C12orf56: variants seen among roughly 807,000 people sequenced by gnomAD.
C12orf56 encodes uncharacterized protein C12orf56.
C12orf56 carries 71 observed loss-of-function variants against 69.9 expected under a neutral mutation model. That is an observed-to-expected ratio of 1.02 (90% CI 0.84 to 1.24). The LOEUF (loss-of-function observed/expected upper bound fraction) is 1.24, where lower values mean the gene tolerates loss of function less well. C12orf56 is among the 50% of genes most tolerant of loss of function. C12orf56 has a pLI of 0.00. For synonymous variants in C12orf56, 276 were observed against 274.1 expected (o/e 1.01, Z -0.07); for missense variants, 732 against 738.5 (o/e 0.99, Z 0.10).
intron 2 of C12orf56, among the ~76,000 whole-genome samples, chr12:64,331,950 A>G (rs904578926): frequency 6.8e-6 from 1 of 146,914 alleles, no homozygotes; most frequent in African/African-American, 2.5e-5. Flanking sequence ...TCCTTAAATA[A>G]AAAAAAAAAA....
intron 2 of C12orf56, among the ~76,000 whole-genome samples, chr12:64,337,095 C>T (rs1174423351): frequency 1.3e-5 from 2 of 152,148 alleles, no homozygotes; most frequent in African/African-American, 4.8e-5. Context: ...CTATGCTTTT[C>T]ACCAACTCCC....
At chr12:64,386,107 CCTT>C (rs1413277269) in intron 1 of C12orf56, among the ~76,000 whole-genome samples, 2 of 152,196 alleles carry the variant, frequency 1.3e-5, no homozygotes, top group Non-Finnish European at 2.9e-5. Context: ...TTGGCTAAGG[CCTT>C]CTTCCACCTT....
chr12:64,295,801 A>C (rs2038357467), intron 6 of C12orf56, among the ~76,000 whole-genome samples: 1 of 150,848 alleles, frequency 6.6e-6, no homozygotes. Context: ...AAAACTATAT[A>C]TAATATATAT....
intron 12 of C12orf56, chr12:64,267,786 C>T (rs974339482): frequency 6.6e-6 from 1 of 152,514 alleles, no homozygotes; most frequent in Non-Finnish European, 1.5e-5. Context: ...TTGGAATCAC[C>T]TGGAGAGCTT....
intron 2 of C12orf56, among the ~76,000 whole-genome samples, chr12:64,334,274 T>C (rs2038966166): frequency 6.6e-6 from 1 of 152,214 alleles, no homozygotes; most frequent in African/African-American, 2.4e-5. Flanking sequence ...CTCATCAGTT[T>C]CTTGTGCTTT....
At chr12:64,353,759 A>G (rs920627487) in intron 1 of C12orf56, among the ~76,000 whole-genome samples, 6 of 151,420 alleles carry the variant, frequency 4.0e-5, no homozygotes, top group Non-Finnish European at 5.9e-5. Flanking sequence ...TCCGCTCACT[A>G]CAACCTCCAC....
intron 2 of C12orf56, among the ~76,000 whole-genome samples, chr12:64,345,390 T>C (rs2039127076): frequency 6.6e-6 from 1 of 152,180 alleles, no homozygotes; most frequent in Non-Finnish European, 1.5e-5. Context: ...TTGCCATTAC[T>C]GGGGCTAGGG....
In C12orf56 at chr12:64,266,226, T is replaced by C. The variant is rs1446131496; in HGVS notation, c.*957A>G. ...AGGATGTTTCGTGGCTTCACACCACTCACCATTATTACACCAGTGAAACTC... is the reference window on the plus strand; with the variant it reads ...AGGATGTTTCGTGGCTTCACACCACCCACCATTATTACACCAGTGAAACTC... On this transcript the variant is annotated 3_prime_UTR_variant, in exon 13 of 13. Transcript: ENST00000543942. 6.6e-6 allele frequency: 1 copy of C among 152,276 alleles called. No homozygotes were observed. The highest frequency in any genetic ancestry group is 2.4e-5 in the African/African-American group (1 of 41,466). 9.4% of individuals were successfully genotyped at this position (152,276 alleles called of 1,614,324 possible).
At chr12:64,353,298 C>T (rs899932912) in intron 1 of C12orf56, among the ~76,000 whole-genome samples, 2 of 152,050 alleles carry the variant, frequency 1.3e-5, no homozygotes, top group African/African-American at 4.8e-5. Flanking sequence ...GCTGGGATTA[C>T]AGACATGAGC....
chr12:64,319,350 C>A (rs757029463), intron 3 of C12orf56, among the ~76,000 whole-genome samples: 6 of 151,994 alleles, frequency 3.9e-5, no homozygotes, highest in Admixed American at 2.6e-4. Flanking sequence ...GCTAATGGAT[C>A]CTATAAAGAA....
At chr12:64,368,669 T>C (rs1318723839) in intron 1 of C12orf56, among the ~76,000 whole-genome samples, 1 of 152,164 alleles carries the variant, frequency 6.6e-6, no homozygotes, top group African/African-American at 2.4e-5. Context: ...TAATTCATTC[T>C]TTTGTGCCCT....
At chr12:64,354,992 C>G (rs890186756) in intron 1 of C12orf56, among the ~76,000 whole-genome samples, 1 of 146,926 alleles carries the variant, frequency 6.8e-6, no homozygotes, top group East Asian at 2.0e-4. Flanking sequence ...GCAGGAGAAT[C>G]GCTTGAACCC....
chr12:64,324,875 T>C (rs2038818224), intron 3 of C12orf56, among the ~76,000 whole-genome samples: 1 of 152,154 alleles, frequency 6.6e-6, no homozygotes, highest in African/African-American at 2.4e-5. Context: ...GTTAGAGACA[T>C]ATTATGAACT....
intron 1 of C12orf56, among the ~76,000 whole-genome samples, chr12:64,357,956 T>C (rs1449611623): frequency 6.6e-6 from 1 of 152,074 alleles, no homozygotes; most frequent in Non-Finnish European, 1.5e-5. Context: ...CACTTCTACA[T>C]ACCCTACAAA....
At chr12:64,347,546 G>T (rs1002747177) in intron 2 of C12orf56, among the ~76,000 whole-genome samples, 1 of 152,034 alleles carries the variant, frequency 6.6e-6, no homozygotes, top group Non-Finnish European at 1.5e-5. Context: ...CAAAGTGCTG[G>T]GATTACAGGC....
At position 64,266,673 on chromosome 12, in the gene C12orf56, C is replaced by A; in HGVS notation, c.*510G>T. The A allele has an allele frequency of 1.2e-6, 1 of 849,086 alleles. No homozygotes were observed. The highest frequency in any genetic ancestry group is 4.8e-5 in the South Asian group (1 of 20,914). The allele number at this position is 849,086 out of a possible 1,614,324, so 52.6% of individuals were successfully genotyped here. On this transcript the variant is annotated 3_prime_UTR_variant, in exon 13 of 13. Transcript: ENST00000543942. ...GCTCCTGTGCCTGGCATGGTTTCAC[C>A]GAGAACACTGTGCCCAAGCTGAGAA...
intron 1 of C12orf56, among the ~76,000 whole-genome samples, chr12:64,359,607 G>T (rs530669797): frequency 7.2e-5 from 11 of 152,260 alleles, no homozygotes; most frequent in African/African-American, 2.6e-4. Flanking sequence ...CTGTGCGGGG[G>T]TAAAGAGTTT....
Position 64,275,315 on chromosome 12 carries a change from G to T in C12orf56, c.1492C>A (p.Leu498Ile). The change falls in exon 10 of 13, where the codon CTT (leucine) becomes ATT (isoleucine). Residue 498 changes from leucine (L) to isoleucine (I), a missense_variant. Leu to Ile is a conservative substitution (Grantham distance 5). Coordinates refer to ENST00000543942, the MANE Select transcript of C12orf56 (RefSeq NM_001170633.2). ...AATTGTACCTGCTGAAAGACCAGAAGTATCTCATATAAAAGTGCTGTAGCA... is the reference window on the plus strand; with the variant it reads ...AATTGTACCTGCTGAAAGACCAGAATTATCTCATATAAAAGTGCTGTAGCA... ...NTATALLYEI[L>I]LVFQQGNLGL... 7.0e-7 allele frequency: 1 copy of T among 1,426,192 alleles called. No individual in the cohort carries two copies. The highest frequency in any genetic ancestry group is 9.3e-7 in the Non-Finnish European group (1 of 1,071,464). The allele number at this position is 1,426,192 out of a possible 1,614,324, so 88.3% of individuals were successfully genotyped here.
Position 64,285,986 on chromosome 12 carries a change from T to C in C12orf56, c.1188A>G (p.Leu396=). The part of the protein sequence containing the change: ...YLPESRDKNA[L]QNQSQRVDEL... ...CATCAACCCTTTGGCTTTGATTTTGTAGTGCATTCTTATCCCTAGACTCCG... is the reference window on the plus strand; with the variant it reads ...CATCAACCCTTTGGCTTTGATTTTGCAGTGCATTCTTATCCCTAGACTCCG... The change falls in exon 7 of 13, where the codon CTA becomes CTG. Residue 396 remains leucine, a synonymous_variant. Transcript: ENST00000543942. The C allele has an allele frequency of 2.5e-6, 4 of 1,609,388 alleles. No individual in the cohort carries two copies. The highest frequency in any genetic ancestry group is 2.5e-6 in the Non-Finnish European group (3 of 1,176,574).
Sources: allele counts gnomAD v4.1 joint callset (sites outside exome capture counted in the v4.1 genomes callset), GRCh38; gene constraint gnomAD v4.1.1; transcripts MANE v1.5; gene names NCBI Gene and HGNC (gene_info 2026-07-23, HGNC 2026-07-21).